Variants in TNS1 observed in about 807,000 individuals in gnomAD.
TNS1 encodes the protein tensin-1.
TNS1 carries 62 observed loss-of-function variants against 168.6 expected under a neutral mutation model. That is an observed-to-expected ratio of 0.37 (90% confidence interval 0.30 to 0.45). The LOEUF is 0.45. TNS1 is among the 20% of genes least tolerant of loss of function. TNS1 has a pLI of 1.00. For synonymous variants in TNS1, 934 were observed against 933.2 expected, an observed-to-expected ratio of 1.00 and a Z score of -0.02; for missense variants, 2,240 against 2,339.4, an observed-to-expected ratio of 0.96 and a Z score of 0.88.
chr2:217,809,936 C>A lies in TNS1; in HGVS notation c.5160G>T (p.Gln1720His). Residue 1720 changes from glutamine (Q) to histidine (H), a missense_variant, in exon 30 of 33, where the codon CAG becomes CAT. Transcript: ENST00000682258. ...TCTCAGATGTGGCTTTAGAGATGGC[C>A]TGTGGCCCAGTGAGTGACTCCATGT... ...SVDMESLTGP[Q>H]AISKATSETL... is the part of the protein sequence containing the mutation. The A allele has an allele frequency of 1.2e-6, 2 of 1,613,650 alleles. No individual in the cohort carries two copies. Among genetic ancestry groups the A allele is most frequent in the Non-Finnish European group, 1.7e-6 (2 of 1,179,690 alleles).
chr2:217,871,930 T>C (rs1042062186), intron 18 of TNS1, among the ~76,000 whole-genome samples: 1 of 152,258 alleles, frequency 6.6e-6, no homozygotes, highest in African/African-American at 2.4e-5. Flanking sequence ...GATCAGGCCA[T>C]ACAGCCTAAA....
At chr2:217,816,865 T>A (rs918295876) in intron 24 of TNS1, among the ~76,000 whole-genome samples, 2 of 152,054 alleles carry the variant, frequency 1.3e-5, no homozygotes, top group East Asian at 3.9e-4. Flanking sequence ...CTGGGGCCCA[T>A]CTGAGGCTGC....
intron 19 of TNS1, among the ~76,000 whole-genome samples, chr2:217,841,764 C>A (rs1416767741): frequency 2.0e-5 from 3 of 152,114 alleles, no homozygotes; most frequent in Non-Finnish European, 1.5e-5. Context: ...GGTAACACAC[C>A]CAGCCTGAGC....
At chr2:217,834,487 G>T (rs2125313221) in intron 21 of TNS1, among the ~76,000 whole-genome samples, 1 of 152,328 alleles carries the variant, frequency 6.6e-6, no homozygotes, top group South Asian at 2.1e-4. Flanking sequence ...ACTGCCCCAT[G>T]CCTTGGCTCA....
intron 4 of TNS1, among the ~76,000 whole-genome samples, chr2:217,908,215 C>T (rs759256139): frequency 6.6e-6 from 1 of 152,198 alleles, no homozygotes; most frequent in Non-Finnish European, 1.5e-5. Context: ...CCATCCCTCA[C>T]TCTGGCACCC....
chr2:217,963,521 G>A (rs1338683803), intron 3 of TNS1, among the ~76,000 whole-genome samples: 1 of 152,176 alleles, frequency 6.6e-6, no homozygotes, highest in African/African-American at 2.4e-5. Flanking sequence ...GCGCACTTGA[G>A]AAAATGGCCC....
Position 217,818,356 on chromosome 2 carries a change from C to T in TNS1, c.3976G>A (p.Gly1326Ser). ...LSHHQMMGPP[G>S]TGFHGSTVSS... ...ACAGTGCTACCATGGAAGCCAGTGC[C>T]TGGTGGACCCATCATCTGGTGATGG... is the stretch of plus-strand genomic sequence containing the variant. The change falls in exon 24 of 33, where the codon GGC (glycine) becomes AGC (serine). Residue 1326 changes from glycine (G) to serine (S), a missense_variant. Physicochemically the swap from Gly to Ser is moderately conservative, Grantham distance 56. Coordinates refer to ENST00000682258, the MANE Select transcript of TNS1 (RefSeq NM_001387777.1). 2 of 1,614,178 alleles carry T rather than the reference C, an allele frequency of 1.2e-6. No individual in the cohort carries two copies. The highest frequency in any genetic ancestry group is 1.7e-6 in the Non-Finnish European group (2 of 1,180,026).
intron 22 of TNS1, chr2:217,829,772 C>A: frequency 6.5e-7 from 1 of 1,527,298 alleles, no homozygotes; most frequent in South Asian, 1.1e-5. Flanking sequence ...CTCCAGCCAG[C>A]CTCTTCAAGC....
intron 12 of TNS1, among the ~76,000 whole-genome samples, chr2:217,887,242 T>C (rs1951293248): frequency 6.6e-6 from 1 of 152,254 alleles, no homozygotes. Flanking sequence ...TTGAGTTTAC[T>C]TGGTATTCGA....
At chr2:217,954,888 T>C (rs1957324226) in intron 3 of TNS1, among the ~76,000 whole-genome samples, 1 of 152,174 alleles carries the variant, frequency 6.6e-6, no homozygotes, top group Non-Finnish European at 1.5e-5. Flanking sequence ...GGCAAACACT[T>C]GCCCCCACAC....
Position 217,890,843 on chromosome 2 carries a change from G to A in TNS1, c.866+119C>T, listed in dbSNP as rs1000524149. ...ACTGCAGGCTGGCATCTGAAAACTT[G>A]CGCCTGGTACACCCCCACCTAGGCA... On this transcript the variant is annotated intron_variant, in intron 12 of 32. Coordinates refer to ENST00000682258, the MANE Select transcript of TNS1 (RefSeq NM_001387777.1). 1.1e-5 allele frequency: 12 copies of A among 1,085,120 alleles called. No individual in the cohort carries two copies. In the East Asian group the frequency reaches 3.0e-4, roughly 27 times the overall value. 67.2% of individuals were successfully genotyped at this position (1,085,120 alleles called of 1,614,324 possible). A position where few individuals can be genotyped will look rare whatever the true frequency, so the allele number is the denominator to read the frequency against.
intron 1 of TNS1, among the ~76,000 whole-genome samples, chr2:218,023,068 A>G (rs1958822879): frequency 1.3e-5 from 2 of 152,346 alleles, no homozygotes; most frequent in Middle Eastern, 3.4e-3. Flanking sequence ...TCAAAGGCCA[A>G]TCTGGGGAGG....
intron 10 of TNS1, 71 bp from the exon 11 acceptor site, chr2:217,893,083 G>A: frequency 3.8e-6 from 6 of 1,580,894 alleles, no homozygotes; most frequent in Non-Finnish European, 3.5e-6. Context: ...TTATCTAGAA[G>A]CCTTGGTGGA....
rs950687838 is a variant in TNS1, at chr2:217,948,843, A to G, written c.187-28607T>C. 6.6e-6 allele frequency among the ~76,000 whole-genome samples: 1 copy of G among 152,126 alleles called. No homozygotes were observed. Among genetic ancestry groups the G allele is most frequent in the Admixed American group, 6.5e-5 (1 of 15,278 alleles). ...TGCATCTGCATTTGCATCCTCTCTCAAAGTGCAGAAATGTGCACAGCGCCA... is the reference window on the plus strand; with the variant it reads ...TGCATCTGCATTTGCATCCTCTCTCGAAGTGCAGAAATGTGCACAGCGCCA... On this transcript the variant is annotated intron_variant, in intron 3 of 32. Coordinates refer to ENST00000682258, the MANE Select transcript of TNS1 (RefSeq NM_001387777.1). This position sits in a 1 kb window ranked among gnomAD's most constrained non-coding sequence, Gnocchi z 4.1.
chr2:217,976,139 G>A (rs1037112669), intron 3 of TNS1, among the ~76,000 whole-genome samples: 2 of 152,122 alleles, frequency 1.3e-5, no homozygotes, highest in African/African-American at 4.8e-5. Flanking sequence ...CTAACCCATT[G>A]CTCCAGCTCA....
chr2:217,867,945 A>C (rs1202107802), intron 18 of TNS1, among the ~76,000 whole-genome samples: 1 of 152,198 alleles, frequency 6.6e-6, no homozygotes, highest in Non-Finnish European at 1.5e-5. Flanking sequence ...CTCAAGTTCT[A>C]ACAGGCTCTG....
Position 218,031,107 on chromosome 2 carries a change from TGA to T in TNS1, c.156+2711_156+2712del, listed in dbSNP as rs1381070037. Among the ~76,000 whole-genome samples, 14 of 108,076 alleles carry T rather than the reference TGA, an allele frequency of 1.3e-4. No homozygotes were observed. In the South Asian group the frequency reaches 1.7e-3, roughly 13 times the overall value. The allele number at this position is 108,076 out of a possible 152,430, so 70.9% of individuals were successfully genotyped here. On this transcript the variant is annotated intron_variant, in intron 1 of 1. Coordinates refer to the TNS1 transcript ENST00000649572. ...GAGTGTGTGAGCGTGTCTGTGTGTA[TGA>T]GTGTGTGTGAGCATGTCTGTGTGTG...
intron 6 of TNS1, among the ~76,000 whole-genome samples, chr2:217,903,206 T>A (rs1235678474): frequency 6.6e-6 from 1 of 152,066 alleles, no homozygotes; most frequent in Non-Finnish European, 1.5e-5. Flanking sequence ...TGCCCAGCCA[T>A]GTTCTAGACA....
In TNS1 at chr2:217,813,635, G is replaced by C. The variant is rs780573223; in HGVS notation, c.4861+50C>G. The C allele has an allele frequency of 9.0e-6, 14 of 1,554,886 alleles. No individual in the cohort carries two copies. The highest frequency in any genetic ancestry group is 1.2e-5 in the South Asian group (1 of 80,936). ...TCCCTCCAGCACCTCCAGGTTTAGCGACTGTAAAGCTCACCTGGTCCTGAG... is the reference window on the plus strand; with the variant it reads ...TCCCTCCAGCACCTCCAGGTTTAGCCACTGTAAAGCTCACCTGGTCCTGAG... On this transcript the variant is annotated intron_variant, in intron 26 of 32. Transcript: ENST00000682258. The surrounding 1 kb of genome is among the most constrained non-coding windows in gnomAD (Gnocchi z 4.0).
Sources: gnomAD v4.1 joint callset for allele counts (sites outside exome capture counted in the v4.1 genomes callset) on GRCh38, gnomAD v4.1.1 for gene constraint, Gnocchi (gnomAD v3.1) non-coding constraint, MANE v1.5 for transcripts, NCBI Gene and HGNC (gene_info 2026-07-23, HGNC 2026-07-21) for gene names.